MYO5B: variants seen among roughly 807,000 people sequenced by gnomAD.
MYO5B encodes the protein unconventional myosin-Vb.
In MYO5B, 143 loss-of-function variants were observed where a neutral mutation model predicts 229.3. That is an observed-to-expected ratio of 0.62 (90% CI 0.54 to 0.72). The LOEUF (loss-of-function observed/expected upper bound fraction) is 0.72, where lower values mean the gene tolerates loss of function less well. MYO5B is among the 30% of genes least tolerant of loss of function. MYO5B has a pLI of 0.00. For missense variants in MYO5B, 2,321 were observed against 2,331.0 expected (o/e 1.00, Z 0.09); for synonymous variants, 918 against 885.2 (o/e 1.04, Z -0.66).
At chr18:50,067,061 A>G (rs1187470882) in intron 1 of MYO5B, among the ~76,000 whole-genome samples, 2 of 152,176 alleles carry the variant, frequency 1.3e-5, no homozygotes, top group Admixed American at 6.5e-5. Context: ...TGTGTTCCTC[A>G]TAAGAAAAGA....
At chr18:49,982,929 C>T (rs928134789) in intron 8 of MYO5B, among the ~76,000 whole-genome samples, 1 of 152,182 alleles carries the variant, frequency 6.6e-6, no homozygotes, top group African/African-American at 2.4e-5. Context: ...GAGCAATCCT[C>T]TCCTTATATC....
intron 2 of MYO5B, among the ~76,000 whole-genome samples, chr18:50,047,191 C>T (rs1190323093): frequency 6.6e-6 from 1 of 152,192 alleles, no homozygotes. Context: ...ACCTACTCAT[C>T]TGACAAAGGG....
intron 1 of MYO5B, among the ~76,000 whole-genome samples, chr18:50,194,160 T>TA (rs2033266473): frequency 6.6e-6 from 1 of 152,216 alleles, no homozygotes; most frequent in African/African-American, 2.4e-5. Flanking sequence ...CGCACCCCTC[T>TA]ACCCATTGCT....
chr18:49,980,680 A>T, intron 8 of MYO5B, 127 bp from the exon 9 acceptor site: 1 of 711,802 alleles, frequency 1.4e-6, no homozygotes, highest in Non-Finnish European at 2.5e-6. Flanking sequence ...GATGACTCCT[A>T]AAATGATCCA....
intron 2 of MYO5B, among the ~76,000 whole-genome samples, chr18:50,053,627 C>T (rs186031474): frequency 1.3e-5 from 2 of 151,548 alleles, no homozygotes; most frequent in African/African-American, 2.4e-5. Flanking sequence ...AGGTGGCTAG[C>T]GAAAGCTGCC....
At chr18:49,872,289 G>A in intron 26 of MYO5B, 57 bp from the exon 27 acceptor site, 1 of 1,570,822 alleles carries the variant, frequency 6.4e-7, no homozygotes. Flanking sequence ...ATTCCACAGA[G>A]GTGTTTCCAA....
At chr18:49,919,888 T>C (rs2025056240) in intron 17 of MYO5B, among the ~76,000 whole-genome samples, 1 of 152,232 alleles carries the variant, frequency 6.6e-6, no homozygotes, top group Admixed American at 6.5e-5. Flanking sequence ...GCATTCTTAC[T>C]TCCCCAAAAG....
At chr18:50,063,821 A>G (rs575798287) in intron 1 of MYO5B, 8 of 152,304 alleles carry the variant, frequency 5.3e-5, no homozygotes, top group African/African-American at 1.9e-4. Flanking sequence ...CACACATTCT[A>G]TATCTATATT....
intron 1 of MYO5B, among the ~76,000 whole-genome samples, chr18:50,082,383 A>G (rs76104509): frequency 0.093 from 14,176 of 152,306 alleles, 1,216 homozygotes; most frequent in African/African-American, 0.23. Context: ...GTTTCTAGTG[A>G]AAAAACACAT....
chr18:50,139,195 A>C (rs1487510443), intron 1 of MYO5B, among the ~76,000 whole-genome samples: 1 of 152,170 alleles, frequency 6.6e-6, no homozygotes, highest in Non-Finnish European at 1.5e-5. Flanking sequence ...TCAGAAGACC[A>C]TTGGTTCCAA....
In MYO5B at chr18:49,850,033, C is replaced by T. The variant is rs192719026; in HGVS notation, c.4222-373G>A. ...GGGCGGGCAGCGCCCTGGGAAGGAA[C>T]GGACAGGTGTGAGAATGCAGGGGGC... On this transcript the variant is annotated intron_variant, in intron 31 of 39. Transcript: ENST00000285039. 281 of 351,724 alleles carry T rather than the reference C, an allele frequency of 8.0e-4. 2 individuals are homozygous for T. The highest frequency in any genetic ancestry group is 2.7e-3 in the African/African-American group (127 of 47,166). The allele number at this position is 351,724 out of a possible 1,614,324, so 21.8% of individuals were successfully genotyped here. A position where few individuals can be genotyped will look rare whatever the true frequency, so the allele number is the denominator to read the frequency against.
chr18:50,006,918 G>A (rs1284886158), intron 4 of MYO5B, among the ~76,000 whole-genome samples: 1 of 152,164 alleles, frequency 6.6e-6, no homozygotes, highest in Non-Finnish European at 1.5e-5. Flanking sequence ...CTCCAAACTA[G>A]CTATATGTAC....
rs1162257947 is a variant in MYO5B at position 50,171,421 on chromosome 18, G to A, written c.27+23346C>T. ...GAAGCTGCAATTTGACCTTGGTCTC[G>A]AGAGAGACCATAAACTTAGAAATAT... On this transcript the variant is annotated intron_variant, in intron 1 of 39. Coordinates refer to ENST00000285039, the MANE Select transcript of MYO5B (RefSeq NM_001080467.3). Among the ~76,000 whole-genome samples the A allele has an allele frequency of 3.2e-5, 4 of 126,976 alleles. 1 individual carries two copies. The Admixed American group carries it at 3.4e-4, about 11-fold the overall frequency. The allele number at this position is 126,976 out of a possible 152,430, so 83.3% of individuals were successfully genotyped here.
chr18:49,914,311 G>C (rs978104347), intron 17 of MYO5B, among the ~76,000 whole-genome samples: 3 of 152,120 alleles, frequency 2.0e-5, no homozygotes, highest in African/African-American at 7.2e-5. Context: ...AGCAAACAGA[G>C]AGCCACACCC....
intron 1 of MYO5B, among the ~76,000 whole-genome samples, chr18:50,109,292 C>A (rs1273874355): frequency 1.3e-5 from 2 of 152,194 alleles, no homozygotes; most frequent in African/African-American, 4.8e-5. Context: ...ACCATGAGTG[C>A]TAGGCACCCA....
At position 49,837,701 on chromosome 18, in the gene MYO5B, A is replaced by G; in HGVS notation, c.4954T>C (p.Tyr1652His). The G allele has an allele frequency of 6.2e-7, 1 of 1,614,192 alleles. No individual in the cohort carries two copies. Among genetic ancestry groups the G allele is most frequent in the Non-Finnish European group, 8.5e-7 (1 of 1,180,024 alleles). Reference protein sequence around the residue: ...SSSMADGDNSYCLEAIIRQMN... With the variant: ...SSSMADGDNSHCLEAIIRQMN... ...TGGCGGATGATAGCTTCCAGGCAGT[A>G]TGAGTTATCCCCATCTGCCATGCTG... The change falls in exon 37 of 40, where the codon TAC becomes CAC. Residue 1652 changes from tyrosine (Y) to histidine (H), a missense_variant. By Grantham distance (83) the Tyr-to-His change is moderately conservative (BLOSUM62 2). Around this residue, in one of 2 missense-constraint regions of MYO5B, gnomAD observed 208 missense variants for 286.3 expected, o/e 0.73. Transcript: ENST00000285039.
At chr18:50,048,894 C>T (rs942810679) in intron 2 of MYO5B, among the ~76,000 whole-genome samples, 8 of 151,934 alleles carry the variant, frequency 5.3e-5, no homozygotes, top group East Asian at 3.9e-4. Context: ...TGGTGGCATA[C>T]GCTTGTAATC....
intron 18 of MYO5B, among the ~76,000 whole-genome samples, chr18:49,908,957 A>T (rs1290871259): frequency 6.6e-6 from 1 of 152,242 alleles, no homozygotes; most frequent in Non-Finnish European, 1.5e-5. Flanking sequence ...ACAATTTATT[A>T]AAACCTCACT....
At position 49,839,222 on chromosome 18, in the gene MYO5B, G is replaced by A; in HGVS notation, c.4774C>T (p.Gln1592Ter). The change falls in exon 36 of 40, where the codon CAG becomes TAG. Residue 1592 changes from glutamine to a stop codon, truncating the protein, a stop_gained. Transcript: ENST00000285039. LOFTEE classifies it high-confidence loss of function. ...TGAATGGAAAGGTCACTCAGCACCT[G>A]ACGGTATTCGGTGAGGTCAAAATTC... is the stretch of plus-strand genomic sequence containing the variant. ...LKNFDLTEYR[Q>*]VLSDLSIQIY... 2 of 1,614,154 alleles carry A rather than the reference G, an allele frequency of 1.2e-6. No individual in the cohort carries two copies. The highest frequency in any genetic ancestry group is 1.7e-6 in the Non-Finnish European group (2 of 1,179,974).
Sources: gnomAD v4.1 joint callset for allele counts (sites outside exome capture counted in the v4.1 genomes callset) on GRCh38, gnomAD v4.1.1 for gene constraint, gnomAD v4.1.1 regional missense constraint, MANE v1.5 for transcripts, NCBI Gene and HGNC (gene_info 2026-07-23, HGNC 2026-07-21) for gene names.